Variants in RHNO1 observed in about 807,000 individuals in gnomAD.
RHNO1 encodes RAD9, HUS1, RAD1-interacting nuclear orphan protein 1.
A neutral mutation model predicts 7.2 loss-of-function variants in RHNO1; 9 were observed. The observed-to-expected ratio is 1.25, with a 90% CI of 0.75 to 2.18. The LOEUF is 2.18. Ranked by LOEUF, RHNO1 falls within the 30% of genes most tolerant of loss-of-function variation. RHNO1 has a pLI of 0.00. For missense variants in RHNO1, 292 were observed against 284.5 expected (o/e 1.03, Z -0.19); for synonymous variants, 95 against 107.5 (o/e 0.88, Z 0.72).
chr12:2,886,909 C>G lies in RHNO1; in HGVS notation c.169-1002C>G, dbSNP rs756950115. On this transcript the variant is annotated intron_variant, in intron 2 of 2. Transcript: ENST00000489288. ...ATTGAATATTCATTATATGCCAGGTCCTCTGCTAGTTCTCACCCGCTATGC... is the reference window on the plus strand; with the variant it reads ...ATTGAATATTCATTATATGCCAGGTGCTCTGCTAGTTCTCACCCGCTATGC... 1.7e-4 allele frequency: 79 copies of G among 452,182 alleles called. 1 individual carries two copies. Among genetic ancestry groups the G allele is most frequent in the Non-Finnish European group, 3.3e-4 (73 of 223,738 alleles). 28.0% of individuals were successfully genotyped at this position (452,182 alleles called of 1,614,324 possible).
chr12:2,884,875 G>A (rs2098163398), intron 1 of RHNO1, among the ~76,000 whole-genome samples: 1 of 152,086 alleles, frequency 6.6e-6, no homozygotes, highest in Non-Finnish European at 1.5e-5. Flanking sequence ...TCATACCTAG[G>A]TCAGGTATCT....
At chr12:2,880,452 A>G (rs1228282051) in intron 1 of RHNO1, among the ~76,000 whole-genome samples, 1 of 151,876 alleles carries the variant, frequency 6.6e-6, no homozygotes, top group Non-Finnish European at 1.5e-5. Flanking sequence ...CCCCATCTCT[A>G]CTAAAAAATA....
At chr12:2,880,878 G>T (rs2098156675) in intron 1 of RHNO1, among the ~76,000 whole-genome samples, 1 of 151,092 alleles carries the variant, frequency 6.6e-6, no homozygotes, top group South Asian at 2.1e-4. Flanking sequence ...GCCTCAAGCA[G>T]TCCTCCCATC....
rs777072503 is a variant in RHNO1, at chr12:2,888,076, A to G, written c.334A>G (p.Ile112Val). The G allele has an allele frequency of 1.3e-5, 21 of 1,614,098 alleles. No homozygotes were observed. The Middle Eastern group carries it at 4.9e-4, about 38-fold the overall frequency. ...SSSETLGIPL[I>V]RECPSESEKD... ...TTCAGAGACATTGGGGATCCCCTTA[A>G]TCCGAGAGTGCCCCAGTGAATCAGA... Residue 112 changes from isoleucine to valine, a missense_variant, in exon 3 of 3, where the codon ATC (isoleucine) becomes GTC (valine). Physicochemically the swap from Ile to Val is conservative, Grantham distance 29 (BLOSUM62 3). Coordinates refer to ENST00000489288, the MANE Select transcript of RHNO1 (RefSeq NM_001252499.3).
Position 2,885,501 on chromosome 12 carries a change from C to G in RHNO1, c.135C>G (p.Ser45Arg). 1 of 1,612,544 alleles carries G rather than the reference C, an allele frequency of 6.2e-7. No individual in the cohort carries two copies. Reference sequence around the variant, plus strand: ...TCACTCACACTCGACAGGTGCCCAGCAAGCCCATTGACCACAGCACCATCA... The same window carrying G: ...TCACTCACACTCGACAGGTGCCCAGGAAGCCCATTGACCACAGCACCATCA... The part of the protein sequence containing the change: ...LPITHTRQVP[S>R]KPIDHSTITS... The change falls in exon 2 of 3, where the codon AGC becomes AGG. Residue 45 changes from serine to arginine, a missense_variant. Ser to Arg is a moderately radical substitution (Grantham distance 110). Coordinates refer to ENST00000489288, the MANE Select transcript of RHNO1 (RefSeq NM_001252499.3).
At chr12:2,882,201 G>T (rs1039344355) in intron 1 of RHNO1, among the ~76,000 whole-genome samples, 1 of 151,624 alleles carries the variant, frequency 6.6e-6, no homozygotes, top group Non-Finnish European at 1.5e-5. Flanking sequence ...CAACACTTTG[G>T]GTGGGCGAGG....
intron 1 of RHNO1, among the ~76,000 whole-genome samples, chr12:2,884,034 A>G (rs1355214212): frequency 6.6e-6 from 1 of 151,878 alleles, no homozygotes. Flanking sequence ...GTCCAAACTC[A>G]TATGGTGTCA....
At position 2,888,243 on chromosome 12, in the gene RHNO1, A is replaced by C; in HGVS notation, c.501A>C (p.Glu167Asp). The change falls in exon 3 of 3, where the codon GAA becomes GAC. Residue 167 changes from glutamate (E) to aspartate (D), a missense_variant. By Grantham distance (45) the Glu-to-Asp change is conservative (BLOSUM62 2). Transcript: ENST00000489288. ...CCCCAGAGTCATCGTCTGTGAAGGA[A>C]GAACTCATTCCCCAAGATCAGAAGG... ...IQTPESSSVKEELIPQDQKEN... is the reference protein window; with the variant it reads ...IQTPESSSVKDELIPQDQKEN... The C allele has an allele frequency of 4.3e-6, 7 of 1,614,098 alleles. No individual in the cohort carries two copies. Among genetic ancestry groups the C allele is most frequent in the Non-Finnish European group, 5.9e-6 (7 of 1,180,016 alleles).
intron 2 of RHNO1, 75 bp downstream of exon 2, chr12:2,885,609 C>G (rs1375244454): frequency 2.3e-6 from 3 of 1,292,152 alleles, no homozygotes; most frequent in African/African-American, 1.7e-5. Context: ...GAGTCTCGCT[C>G]TATCGCCCAG....
At position 2,885,533 on chromosome 12, in the gene RHNO1, G is replaced by A. The variant is rs763215760; in HGVS notation, c.167G>A (p.Trp56Ter). The change falls in exon 2 of 3, where the codon TGG (tryptophan) becomes TAG (stop). Residue 56 changes from tryptophan to a stop codon, truncating the protein, a stop_gained and splice_region_variant. Transcript: ENST00000489288. LOFTEE classifies it low-confidence loss of function (END_TRUNC). ...KPIDHSTITS[W>*]VSPDFDTAAG... ...ATTGACCACAGCACCATCACTTCCT[G>A]GGTAGGCCCATGGGATTACTATTTG... The A allele has an allele frequency of 1.9e-6, 3 of 1,573,214 alleles. No homozygotes were observed. The highest frequency in any genetic ancestry group is 2.3e-5 in the South Asian group (2 of 88,188).
At chr12:2,877,713 C>T (rs1565484458) in intron 1 of RHNO1, among the ~76,000 whole-genome samples, 1 of 152,192 alleles carries the variant, frequency 6.6e-6, no homozygotes, top group African/African-American at 2.4e-5. Flanking sequence ...GCCAAGCCTT[C>T]GGATATAATA....
chr12:2,881,426 C>T (rs1017718378), intron 1 of RHNO1, among the ~76,000 whole-genome samples: 5 of 151,826 alleles, frequency 3.3e-5, no homozygotes, highest in African/African-American at 9.7e-5. Context: ...TATTCCTTTC[C>T]GACTAGAATG....
intron 2 of RHNO1, chr12:2,887,056 A>G (rs2098166414): frequency 2.2e-6 from 1 of 444,902 alleles, no homozygotes; most frequent in Non-Finnish European, 4.6e-6. Context: ...AATAAGTTAT[A>G]TCTAGACCAG....
At chr12:2,884,320 A>G (rs2153945494) in intron 1 of RHNO1, among the ~76,000 whole-genome samples, 1 of 152,188 alleles carries the variant, frequency 6.6e-6, no homozygotes, top group Admixed American at 6.5e-5. Context: ...TGCAACCTCC[A>G]TCTCCTGGGT....
In RHNO1 at chr12:2,883,512, T is replaced by TATATATATATATATATATA. The variant is rs1491305927; in HGVS notation, c.-84-1771_-84-1770insATATATATATATATATATA. Among the ~76,000 whole-genome samples the TATATATATATATATATATA allele has an allele frequency of 1.6e-3, 36 of 22,236 alleles. 3 individuals are homozygous for TATATATATATATATATATA. The highest frequency in any genetic ancestry group is 2.7e-3 in the Admixed American group (4 of 1,488). The allele number at this position is 22,236 out of a possible 152,430, so 14.6% of individuals were successfully genotyped here. ...ATATATATATATATATATATATATATTTTTTTTTTTTTTTTTTTTTTTGAG... is the reference window on the plus strand; with the variant it reads ...ATATATATATATATATATATATATATATATATATATATATATATATTTTTTTTTTTTTTTTTTTTTTGAG... On this transcript the variant is annotated intron_variant, in intron 1 of 2. Transcript: ENST00000489288.
intron 1 of RHNO1, among the ~76,000 whole-genome samples, chr12:2,884,164 G>A (rs1406907990): frequency 1.3e-5 from 2 of 151,298 alleles, no homozygotes; most frequent in Admixed American, 1.3e-4. Context: ...AGGTTCAAGC[G>A]ATTCTCCTGC....
chr12:2,885,210 G>A, intron 1 of RHNO1, 73 bp from the exon 2 acceptor site: 5 of 668,582 alleles, frequency 7.5e-6, no homozygotes, highest in Non-Finnish European at 1.0e-5. Flanking sequence ...GGTAGAATTG[G>A]CTGGCAGAGG....
intron 1 of RHNO1, among the ~76,000 whole-genome samples, chr12:2,883,511 A>ATATATATATATATATATAT (rs2098161542): frequency 3.7e-5 from 1 of 26,826 alleles, no homozygotes; most frequent in Non-Finnish European, 6.4e-5. Flanking sequence ...ATATATATAT[A>ATATATATATATATATATAT]TTTTTTTTTT....
chr12:2,881,172 G>T (rs1171065555), intron 1 of RHNO1, among the ~76,000 whole-genome samples: 1 of 151,900 alleles, frequency 6.6e-6, no homozygotes, highest in East Asian at 1.9e-4. Flanking sequence ...GCGTGATCTC[G>T]GCTCACTGCA....
Sources: gnomAD v4.1 joint callset for allele counts (sites outside exome capture counted in the v4.1 genomes callset) on GRCh38, gnomAD v4.1.1 for gene constraint, MANE v1.5 for transcripts, NCBI Gene and HGNC (gene_info 2026-07-23, HGNC 2026-07-21) for gene names.